Variants in APBB2 observed in about 807,000 individuals in gnomAD.
The protein encoded by APBB2 is Fe65-like 1.
In APBB2, 38 loss-of-function variants were observed where a neutral mutation model predicts 82.5. The observed-to-expected ratio is 0.46, with a 90% CI of 0.36 to 0.60. APBB2 has a LOEUF of 0.60. APBB2 is among the 20% of genes least tolerant of loss of function. The pLI is 0.00. For missense variants in APBB2, 772 were observed against 972.3 expected (o/e 0.79, Z 2.74); for synonymous variants, 341 against 368.2 (o/e 0.93, Z 0.85).
intron 7 of APBB2, among the ~76,000 whole-genome samples, chr4:40,937,657 C>T (rs1262431766): frequency 1.3e-5 from 2 of 152,122 alleles, no homozygotes; most frequent in African/African-American, 4.8e-5. Context: ...TATGACTGGG[C>T]CAAAGATCTT....
At chr4:40,841,446 G>A (rs1755772889) in intron 12 of APBB2, among the ~76,000 whole-genome samples, 1 of 152,162 alleles carries the variant, frequency 6.6e-6, no homozygotes, top group Non-Finnish European at 1.5e-5. Flanking sequence ...CAAACGGGCA[G>A]GCGGACATGC....
At chr4:40,834,386 A>G (rs1005107394) in intron 12 of APBB2, among the ~76,000 whole-genome samples, 2 of 152,232 alleles carry the variant, frequency 1.3e-5, no homozygotes, top group Admixed American at 6.5e-5. Context: ...TCAGGCCTAG[A>G]GCACAGACCA....
At chr4:40,976,894 A>T (rs28378699) in intron 6 of APBB2, among the ~76,000 whole-genome samples, 16 of 152,216 alleles carry the variant, frequency 1.1e-4, no homozygotes, top group Middle Eastern at 3.4e-3. Flanking sequence ...TAAAAAATAA[A>T]AAAAATTAGC....
At position 41,073,183 on chromosome 4, in the gene APBB2, T is replaced by C. The variant is rs1441995698; in HGVS notation, c.-148-7510A>G. Among the ~76,000 whole-genome samples the C allele has an allele frequency of 5.3e-5, 8 of 152,186 alleles. No homozygotes were observed. In the East Asian group the frequency reaches 1.3e-3, roughly 26 times the overall value. ...CAATTATTTCCACAGAACATTCTTC[T>C]CGGCTAAAAAATATTTTTTACTTCA... On this transcript the variant is annotated intron_variant, in intron 3 of 17. Coordinates refer to ENST00000508593, the MANE Select transcript of APBB2 (RefSeq NM_004307.2).
At position 40,819,043 on chromosome 4, in the gene APBB2, G is replaced by T. The variant is rs368315750; in HGVS notation, c.2113-2784C>A. 1.0e-3 allele frequency among the ~76,000 whole-genome samples: 152 copies of T among 151,946 alleles called. 5 individuals are homozygous for T. The South Asian group carries it at 0.031, about 31-fold the overall frequency. ...CCTCACAATGTGCTGTATGGGGTGGGGGGGCGGCGGTCAGAGAACTCCCTT... is the reference window on the plus strand; with the variant it reads ...CCTCACAATGTGCTGTATGGGGTGGTGGGGCGGCGGTCAGAGAACTCCCTT... On this transcript the variant is annotated intron_variant, in intron 17 of 17. Coordinates refer to ENST00000508593, the MANE Select transcript of APBB2 (RefSeq NM_004307.2).
At chr4:41,045,174 C>A (rs1722939509) in intron 4 of APBB2, among the ~76,000 whole-genome samples, 1 of 152,056 alleles carries the variant, frequency 6.6e-6, no homozygotes, top group African/African-American at 2.4e-5. Context: ...TGAGTTCTGT[C>A]TCCTTGTCTC....
At chr4:40,833,321 G>C (rs947642237) in intron 12 of APBB2, among the ~76,000 whole-genome samples, 3 of 152,114 alleles carry the variant, frequency 2.0e-5, no homozygotes, top group Non-Finnish European at 4.4e-5. Flanking sequence ...TTTCCAGCAT[G>C]TTCCTCCCAC....
chr4:40,845,557 T>TA (rs1308949219), intron 12 of APBB2, among the ~76,000 whole-genome samples: 2 of 100,260 alleles, frequency 2.0e-5, no homozygotes, highest in Non-Finnish European at 3.7e-5. Context: ...CTGGCATGTG[T>TA]AACTGGAATC....
At position 40,871,979 on chromosome 4, in the gene APBB2, G is replaced by A. The variant is rs116816607; in HGVS notation, c.1529+18385C>T. ...TGCATGACTACAGAGCTGAAAGACA[G>A]CACAGGGCATGGTGTGCTGTGAAGA... On this transcript the variant is annotated intron_variant, in intron 12 of 17. Transcript: ENST00000508593. Among the ~76,000 whole-genome samples the A allele has an allele frequency of 3.2e-3, 495 of 152,342 alleles. 2 individuals are homozygous for A. The highest frequency in any genetic ancestry group is 0.012 in the African/African-American group (483 of 41,578).
intron 10 of APBB2, among the ~76,000 whole-genome samples, chr4:40,896,751 TA>T: frequency 6.6e-6 from 1 of 152,340 alleles, no homozygotes; most frequent in South Asian, 2.1e-4. Context: ...CAGCTCCTTT[TA>T]CTCTCAAAAA....
At chr4:41,158,066 T>G (rs902451882) in intron 1 of APBB2, among the ~76,000 whole-genome samples, 2 of 152,058 alleles carry the variant, frequency 1.3e-5, no homozygotes, top group African/African-American at 4.8e-5. Flanking sequence ...TCACTTGTAA[T>G]TAAGAGAAGT....
At chr4:40,966,223 T>C (rs1452415019) in intron 6 of APBB2, among the ~76,000 whole-genome samples, 4 of 152,184 alleles carry the variant, frequency 2.6e-5, no homozygotes, top group Non-Finnish European at 5.9e-5. Context: ...CTCTGTCACA[T>C]GTGTACTATT....
intron 5 of APBB2, among the ~76,000 whole-genome samples, chr4:41,029,150 A>G (rs1050815137): frequency 2.0e-5 from 3 of 152,180 alleles, no homozygotes; most frequent in Non-Finnish European, 4.4e-5. Context: ...CTGCTATACA[A>G]TTTCATTTCC....
At chr4:40,953,391 A>G (rs1050805577) in intron 6 of APBB2, among the ~76,000 whole-genome samples, 7 of 151,980 alleles carry the variant, frequency 4.6e-5, no homozygotes, top group African/African-American at 1.7e-4. Context: ...GGATGACAAC[A>G]TAACCAAACA....
At chr4:40,930,448 TGCGCGC>T (rs1174752964) in intron 10 of APBB2, among the ~76,000 whole-genome samples, 89 of 66,546 alleles carry the variant, frequency 1.3e-3, no homozygotes, top group African/African-American at 2.7e-3. Flanking sequence ...TGTGTGTGTG[TGCGCGC>T]GCGCGCGCGC....
intron 6 of APBB2, among the ~76,000 whole-genome samples, chr4:40,990,764 C>T (rs1243044860): frequency 1.3e-5 from 2 of 152,130 alleles, no homozygotes; most frequent in South Asian, 2.1e-4. Context: ...AAACTGCATC[C>T]ATCATTTTAA....
chr4:40,973,618 G>A lies in APBB2; in HGVS notation c.836-28545C>T, dbSNP rs145557296. Among the ~76,000 whole-genome samples the A allele has an allele frequency of 9.5e-4, 145 of 152,244 alleles. 1 individual carries two copies. The highest frequency in any genetic ancestry group is 3.2e-3 in the African/African-American group (132 of 41,544). ...TGGTTTAAAACAACAGAAATCTATC[G>A]TTCCATAGTTTTGAAGGCAAAAAGT... On this transcript the variant is annotated intron_variant, in intron 6 of 17. Coordinates refer to ENST00000508593, the MANE Select transcript of APBB2 (RefSeq NM_004307.2).
chr4:41,128,979 G>A (rs1228250806), intron 2 of APBB2, among the ~76,000 whole-genome samples: 1 of 151,948 alleles, frequency 6.6e-6, no homozygotes, highest in African/African-American at 2.4e-5. Flanking sequence ...CCCCAGTGAC[G>A]AGCCAGAAGA....
intron 12 of APBB2, among the ~76,000 whole-genome samples, chr4:40,863,581 T>TGGA (rs1763312352): frequency 6.6e-6 from 1 of 152,086 alleles, no homozygotes; most frequent in Admixed American, 6.5e-5. Flanking sequence ...TAAAAGATTT[T>TGGA]CAATGAGCTT....
Sources: allele counts gnomAD v4.1 joint callset (sites outside exome capture counted in the v4.1 genomes callset), GRCh38; gene constraint gnomAD v4.1.1; transcripts MANE v1.5; gene names NCBI Gene and HGNC (gene_info 2026-07-23, HGNC 2026-07-21).